ERMP1: variants seen among roughly 807,000 people sequenced by gnomAD.
ERMP1 encodes Felix-ina.
In ERMP1, 86 loss-of-function variants were observed where a neutral mutation model predicts 92.0. The ratio of observed to expected loss-of-function variants is 0.93; its 90% CI spans 0.79 to 1.12. ERMP1 has a LOEUF of 1.12. Ranked by LOEUF, ERMP1 falls within the 50% of genes most tolerant of loss-of-function variation. The probability of loss-of-function intolerance (pLI) is 0.00; values close to 1 mark genes in which losing one functional copy is unlikely to be tolerated. For synonymous variants in ERMP1, 530 were observed against 412.8 expected, an observed-to-expected ratio of 1.28 and a Z score of -3.44; for missense variants, 1,342 against 1,116.3, an observed-to-expected ratio of 1.20 and a Z score of -2.88.
chr9:5,810,029 C>T lies in ERMP1; in HGVS notation c.1530G>A (p.Ala510=), dbSNP rs575924523. The part of the protein sequence containing the change: ...VAKIILIHTL[A]KRFYYMNASA... ...CACTTACCATGTAATAAAATCTTTT[C>T]GCAAGAGTATGTATAAGTATTATTT... The change falls in exon 8 of 15, where the codon GCG becomes GCA. Residue 510 remains alanine, a synonymous_variant. Transcript: ENST00000339450. 5.6e-6 allele frequency: 9 copies of T among 1,608,072 alleles called. No individual in the cohort carries two copies. The highest frequency in any genetic ancestry group is 2.7e-5 in the African/African-American group (2 of 74,918).
At chr9:5,854,957 G>A (rs1323962297) in intron 6 of ERMP1, among the ~76,000 whole-genome samples, 3 of 152,098 alleles carry the variant, frequency 2.0e-5, no homozygotes, top group Non-Finnish European at 2.9e-5. Context: ...GAATCTTTTC[G>A]CAGTAACAGA....
Position 5,830,902 on chromosome 9 carries a change from A to G in ERMP1, c.465T>C (p.His155=), listed in dbSNP as rs1249145232. 6.2e-7 allele frequency: 1 copy of G among 1,614,074 alleles called. No homozygotes were observed. The highest frequency in any genetic ancestry group is 8.5e-7 in the Non-Finnish European group (1 of 1,180,024). The part of the protein sequence containing the change: ...KLIEVQSNSL[H]KISVDVQRPT... ...GCCGTTGTACATCTACTGAAATCTT[A>G]TGAAGGCTGTTGCTTTGCACTTCAA... is the stretch of plus-strand genomic sequence containing the variant. The change falls in exon 2 of 15, where the codon CAT becomes CAC. Residue 155 remains histidine (H), a synonymous_variant. Transcript: ENST00000339450.
chr9:5,826,557 G>A (rs929841123), intron 2 of ERMP1, among the ~76,000 whole-genome samples: 3 of 151,808 alleles, frequency 2.0e-5, no homozygotes, highest in South Asian at 2.1e-4. Flanking sequence ...GCTTGTTTGG[G>A]CTCTGTTAAA....
chr9:5,789,153 C>T (rs1397176923), intron 13 of ERMP1, among the ~76,000 whole-genome samples: 1 of 151,902 alleles, frequency 6.6e-6, no homozygotes, highest in Non-Finnish European at 1.5e-5. Context: ...GCTGAATCTA[C>T]ACATTGAAAG....
intron 5 of ERMP1, among the ~76,000 whole-genome samples, chr9:5,859,821 G>T (rs1482371130): frequency 6.6e-6 from 1 of 152,194 alleles, no homozygotes; most frequent in Non-Finnish European, 1.5e-5. Flanking sequence ...CTCAGGCACT[G>T]TGCCAGGCTA....
upstream of ERMP1, among the ~76,000 whole-genome samples, chr9:5,835,087 T>A (rs1199967228): frequency 6.6e-6 from 1 of 151,490 alleles, no homozygotes; most frequent in African/African-American, 2.4e-5. Context: ...TCTCATGAAA[T>A]CCTTTGTAGA....
chr9:5,856,045 C>T, intron 6 of ERMP1: 1 of 377,506 alleles, frequency 2.6e-6, no homozygotes, highest in Admixed American at 3.2e-5. Flanking sequence ...GGTTATATAC[C>T]CTGCTGCAAG....
chr9:5,799,132 C>T (rs952212396), intron 11 of ERMP1, 124 bp from the exon 12 acceptor site: 1 of 643,828 alleles, frequency 1.6e-6, no homozygotes, highest in African/African-American at 1.8e-5. Context: ...GTGAATAAGA[C>T]ACTGAGAGTT....
At chr9:5,829,572 A>C (rs1829861692) in intron 2 of ERMP1, among the ~76,000 whole-genome samples, 2 of 152,220 alleles carry the variant, frequency 1.3e-5, no homozygotes, top group African/African-American at 4.8e-5. Flanking sequence ...AAGCAACACT[A>C]TTAGGAAAGT....
At chr9:5,854,772 T>C (rs942174627) in intron 6 of ERMP1, among the ~76,000 whole-genome samples, 1 of 152,056 alleles carries the variant, frequency 6.6e-6, no homozygotes, top group African/African-American at 2.4e-5. Context: ...GGTAATCCAC[T>C]CTCCTCAGCC....
At chr9:5,823,424 A>AAC (rs1189581748) in intron 4 of ERMP1, among the ~76,000 whole-genome samples, 1 of 152,222 alleles carries the variant, frequency 6.6e-6, no homozygotes, top group Non-Finnish European at 1.5e-5. Flanking sequence ...ATTGACATTT[A>AAC]ACAATATTTA....
At chr9:5,830,441 T>C (rs1261961955) in intron 2 of ERMP1, among the ~76,000 whole-genome samples, 3 of 152,218 alleles carry the variant, frequency 2.0e-5, no homozygotes, top group Non-Finnish European at 4.4e-5. Context: ...ACACACTGTC[T>C]GGTAACATTG....
In ERMP1 at chr9:5,830,855, T is replaced by A; in HGVS notation, c.512A>T (p.Asp171Val). 1 of 1,614,104 alleles carries A rather than the reference T, an allele frequency of 6.2e-7. No homozygotes were observed. The highest frequency in any genetic ancestry group is 8.5e-7 in the Non-Finnish European group (1 of 1,179,998). Reference protein sequence around the residue: ...VQRPTGSFSIDFLGGFTSYYD... With the variant: ...VQRPTGSFSIVFLGGFTSYYD... ...ATAGCTTGTAAAACCTCCCAAGAAA[T>A]CAATGCTAAAAGAGCCTGTGGGCCG... Residue 171 changes from aspartate to valine, a missense_variant, in exon 2 of 15, where the codon GAT becomes GTT. Asp to Val is a radical substitution (Grantham distance 152). Coordinates refer to ENST00000339450, the MANE Select transcript of ERMP1 (RefSeq NM_024896.3).
At chr9:5,792,281 T>G (rs1166742681) in intron 13 of ERMP1, among the ~76,000 whole-genome samples, 1 of 152,052 alleles carries the variant, frequency 6.6e-6, no homozygotes, top group East Asian at 1.9e-4. Context: ...GTAGACATAA[T>G]GAAATCGATA....
chr9:5,799,987 C>G (rs1223906330), intron 11 of ERMP1, among the ~76,000 whole-genome samples: 1 of 152,042 alleles, frequency 6.6e-6, no homozygotes, highest in Non-Finnish European at 1.5e-5. Flanking sequence ...GTTATTTGGC[C>G]CCTTTTCAAA....
intron 4 of ERMP1, among the ~76,000 whole-genome samples, chr9:5,814,243 A>G (rs1336076848): frequency 1.3e-5 from 2 of 152,236 alleles, no homozygotes; most frequent in African/African-American, 2.4e-5. Flanking sequence ...ACCGTGGACC[A>G]TAACTGCAGT....
intron 6 of ERMP1, 119 bp downstream of exon 6, chr9:5,812,006 G>C: frequency 1.6e-6 from 1 of 640,398 alleles, no homozygotes; most frequent in Non-Finnish European, 2.7e-6. Flanking sequence ...CAAAGCCCTA[G>C]CTCATTCACA....
intron 6 of ERMP1, among the ~76,000 whole-genome samples, chr9:5,857,202 T>C (rs1278917577): frequency 2.0e-5 from 3 of 152,062 alleles, no homozygotes; most frequent in Non-Finnish European, 4.4e-5. Flanking sequence ...TTGTATTTTT[T>C]GTAGAGATGG....
intron 5 of ERMP1, among the ~76,000 whole-genome samples, chr9:5,861,448 C>A (rs1830492683): frequency 6.6e-6 from 1 of 151,968 alleles, no homozygotes; most frequent in Non-Finnish European, 1.5e-5. Flanking sequence ...GTATTCAGTA[C>A]CACCTTTAAC....
Sources: allele counts gnomAD v4.1 joint callset (sites outside exome capture counted in the v4.1 genomes callset), GRCh38; gene constraint gnomAD v4.1.1; transcripts MANE v1.5; gene names NCBI Gene and HGNC (gene_info 2026-07-23, HGNC 2026-07-21).